BICDL1: variants seen among roughly 807,000 people sequenced by gnomAD.
BICDL1 encodes the protein BICD family-like cargo adapter 1.
In BICDL1, 20 loss-of-function variants were observed where a neutral mutation model predicts 76.8. That is an observed-to-expected ratio of 0.26 (90% CI 0.18 to 0.38). The LOEUF (loss-of-function observed/expected upper bound fraction) is 0.38, where lower values mean the gene tolerates loss of function less well. Ranked by LOEUF, BICDL1 falls within the 10% of genes least tolerant of loss-of-function variation. BICDL1 has a pLI of 1.00. For missense variants in BICDL1, 700 were observed against 798.6 expected (o/e 0.88, Z 1.49); for synonymous variants, 383 against 337.1 (o/e 1.14, Z -1.49).
chr12:120,029,568 G>T (rs1952379493), intron 2 of BICDL1, among the ~76,000 whole-genome samples: 1 of 152,154 alleles, frequency 6.6e-6, no homozygotes. Context: ...AAGATTTGCA[G>T]TATATGTTAG....
At chr12:120,053,507 C>A (rs1952908974) in intron 2 of BICDL1, among the ~76,000 whole-genome samples, 4 of 152,172 alleles carry the variant, frequency 2.6e-5, no homozygotes, top group Admixed American at 2.6e-4. Flanking sequence ...CCATTACTGT[C>A]ATTATTTGTT....
intron 2 of BICDL1, among the ~76,000 whole-genome samples, chr12:120,003,460 AC>A (rs1187992682): frequency 6.6e-6 from 1 of 152,216 alleles, no homozygotes; most frequent in African/African-American, 2.4e-5. Context: ...TCAAGAATAC[AC>A]TACCCCTCCA....
At chr12:120,092,343 G>C in intron 9 of BICDL1, 1 of 985,478 alleles carries the variant, frequency 1.0e-6, no homozygotes, top group Non-Finnish European at 1.2e-6. Flanking sequence ...TGAGGAAGCT[G>C]AAAGAAATGG....
In BICDL1 at chr12:120,044,722, T is replaced by C. The variant is rs532927630; in HGVS notation, c.646-16988T>C. On this transcript the variant is annotated intron_variant, in intron 2 of 9. Coordinates refer to ENST00000548673, the MANE Select transcript of BICDL1 (RefSeq NM_001367886.1). ...GTCAAAGATCAGATAGTTGTAGATA[T>C]GCGGCGTTATTTCTGAGGGCTCTGT... Among the ~76,000 whole-genome samples the C allele has an allele frequency of 8.5e-3, 1,301 of 152,234 alleles. 22 individuals carry two copies. The highest frequency in any genetic ancestry group is 0.03 in the African/African-American group (1,265 of 41,530).
chr12:120,082,495 C>T (rs1000321057), intron 8 of BICDL1, among the ~76,000 whole-genome samples: 1 of 152,156 alleles, frequency 6.6e-6, no homozygotes, highest in Non-Finnish European at 1.5e-5. Flanking sequence ...CTCAAGCGAT[C>T]CTCCTACCTC....
chr12:120,038,164 T>C (rs1952562734), intron 2 of BICDL1, among the ~76,000 whole-genome samples: 1 of 152,164 alleles, frequency 6.6e-6, no homozygotes. Flanking sequence ...CCAATACTTA[T>C]TCCTAAAGCA....
At position 120,071,421 on chromosome 12, in the gene BICDL1, G is replaced by C. The variant is rs1594198028; in HGVS notation, c.910-201G>C. Among the ~76,000 whole-genome samples the C allele has an allele frequency of 6.6e-6, 1 of 152,008 alleles. No individual in the cohort carries two copies. The highest frequency in any genetic ancestry group is 1.9e-4 in the East Asian group (1 of 5,156). On this transcript the variant is annotated intron_variant, in intron 4 of 9. Transcript: ENST00000548673. This position sits in a 1 kb window ranked among gnomAD's most constrained non-coding sequence, Gnocchi z 4.8. ...CCTCCCAAAGTGCTGGGATTACAGG[G>C]GTGAGCCACCGCGCCCAGTCAGAAT...
rs1159544554 is a variant in BICDL1 at position 120,071,067 on chromosome 12, TC to T, written c.910-553del. On this transcript the variant is annotated intron_variant, in intron 4 of 9. Coordinates refer to ENST00000548673, the MANE Select transcript of BICDL1 (RefSeq NM_001367886.1). The surrounding 1 kb of genome is among the most constrained non-coding windows in gnomAD (Gnocchi z 4.8). ...CTCAAGTCTTTTTTTATTTCTGTGT[TC>T]CTCCTTTATCTGTTTTTTCCCTTGC... Among the ~76,000 whole-genome samples, 3 of 151,962 alleles carry T rather than the reference TC, an allele frequency of 2.0e-5. No individual in the cohort carries two copies. Among genetic ancestry groups the T allele is most frequent in the Non-Finnish European group, 4.4e-5 (3 of 67,986 alleles).
intron 2 of BICDL1, among the ~76,000 whole-genome samples, chr12:120,023,745 G>A (rs1460015298): frequency 2.7e-5 from 4 of 150,606 alleles, no homozygotes; most frequent in African/African-American, 7.3e-5. Context: ...AGCTGAGATC[G>A]TACCACTGCA....
chr12:120,084,715 G>C (rs12320072), intron 8 of BICDL1, among the ~76,000 whole-genome samples: 50,461 of 151,460 alleles, frequency 0.33, 11,251 homozygotes, highest in African/African-American at 0.63. Flanking sequence ...CATGGTGAAA[G>C]CCCGTCTCTA....
At chr12:120,053,603 A>G (rs902764412) in intron 2 of BICDL1, among the ~76,000 whole-genome samples, 27 of 152,174 alleles carry the variant, frequency 1.8e-4, no homozygotes, top group African/African-American at 6.5e-4. Context: ...ATGTGCCACC[A>G]TCATTTTTTG....
intron 2 of BICDL1, among the ~76,000 whole-genome samples, chr12:120,040,962 G>T (rs532859164): frequency 6.6e-6 from 1 of 151,990 alleles, no homozygotes; most frequent in Non-Finnish European, 1.5e-5. Context: ...GGCCAGGATG[G>T]TCTCAAACTC....
intron 2 of BICDL1, among the ~76,000 whole-genome samples, chr12:120,010,576 T>C (rs1044162284): frequency 2.0e-5 from 3 of 152,224 alleles, no homozygotes; most frequent in East Asian, 3.8e-4. Context: ...TGAGGAGCCA[T>C]AGGTCTCTAA....
chr12:120,081,031 G>T lies in BICDL1; in HGVS notation c.1583+14G>T, dbSNP rs565804367. 1 of 1,611,138 alleles carries T rather than the reference G, an allele frequency of 6.2e-7. No homozygotes were observed. The highest frequency in any genetic ancestry group is 2.2e-5 in the East Asian group (1 of 44,792). ...GGCCATTGCAAAGTGAGTAGGGATGGCTTCACTTTATTCTTAAGATAAAGT... is the reference window on the plus strand; with the variant it reads ...GGCCATTGCAAAGTGAGTAGGGATGTCTTCACTTTATTCTTAAGATAAAGT... On this transcript the variant is annotated intron_variant, in intron 8 of 9. Coordinates refer to ENST00000548673, the MANE Select transcript of BICDL1 (RefSeq NM_001367886.1).
intron 2 of BICDL1, among the ~76,000 whole-genome samples, chr12:120,013,523 G>A (rs988965481): frequency 5.3e-5 from 8 of 149,588 alleles, no homozygotes; most frequent in Non-Finnish European, 8.9e-5. Context: ...GTGCAGTGGC[G>A]CGATCTCGGC....
At chr12:120,091,690 C>T (rs368937295) in intron 9 of BICDL1, 10 of 985,076 alleles carry the variant, frequency 1.0e-5, no homozygotes, top group Admixed American at 1.2e-4. Flanking sequence ...TGAGCCAGAG[C>T]GCGTGAGGGG....
Position 120,071,669 on chromosome 12 carries a change from A to T in BICDL1, c.957A>T (p.Arg319=). The part of the protein sequence containing the change: ...LELQEVRLSC[R]QLQVKVEELT... ...TTCAGGAGGTGCGTCTCTCCTGCCG[A>T]CAGCTGCAGGTGAAGGTGGAAGAAC... The change falls in exon 5 of 10, where the codon CGA becomes CGT. Residue 319 remains arginine (R), a synonymous_variant. Coordinates refer to ENST00000548673, the MANE Select transcript of BICDL1 (RefSeq NM_001367886.1). This position sits in a 1 kb window ranked among gnomAD's most constrained non-coding sequence, Gnocchi z 4.8. The T allele has an allele frequency of 6.2e-7, 1 of 1,612,596 alleles. No individual in the cohort carries two copies. The highest frequency in any genetic ancestry group is 8.5e-7 in the Non-Finnish European group (1 of 1,179,742).
intron 2 of BICDL1, among the ~76,000 whole-genome samples, chr12:120,006,124 A>G (rs1489547076): frequency 1.3e-5 from 2 of 152,176 alleles, no homozygotes; most frequent in African/African-American, 4.8e-5. Context: ...ACAAAAGTCA[A>G]GATAATGGTT....
At chr12:119,997,041 C>T (rs11064987) in intron 1 of BICDL1, among the ~76,000 whole-genome samples, 12 of 151,638 alleles carry the variant, frequency 7.9e-5, no homozygotes, top group Middle Eastern at 6.8e-3. Context: ...CTCTGCCTCC[C>T]GGGTTCATGC....
Sources: gnomAD v4.1 joint callset for allele counts (sites outside exome capture counted in the v4.1 genomes callset) on GRCh38, gnomAD v4.1.1 for gene constraint, Gnocchi (gnomAD v3.1) non-coding constraint, MANE v1.5 for transcripts, NCBI Gene and HGNC (gene_info 2026-07-23, HGNC 2026-07-21) for gene names.